Variants in KIT observed in about 807,000 individuals in gnomAD.
KIT encodes mast/stem cell growth factor receptor Kit.
KIT carries 16 observed loss-of-function variants against 105.7 expected under a neutral mutation model. That is an observed-to-expected ratio of 0.15 (90% CI 0.10 to 0.23). The LOEUF (loss-of-function observed/expected upper bound fraction) is 0.23. Among genes scored for constraint, KIT ranks in the 10% least tolerant of loss-of-function variants. The probability of loss-of-function intolerance (pLI) is 1.00; values close to 1 mark genes in which losing one functional copy is unlikely to be tolerated. For missense variants in KIT, 858 were observed against 1,213.8 expected, an observed-to-expected ratio of 0.71 and a Z score of 4.36; for synonymous variants, 438 against 441.1, an observed-to-expected ratio of 0.99 and a Z score of 0.09.
intron 1 of KIT, among the ~76,000 whole-genome samples, chr4:54,671,955 A>G (rs1018268605): frequency 1.3e-5 from 2 of 152,302 alleles, no homozygotes; most frequent in South Asian, 4.1e-4. Context: ...CCTAAACTAC[A>G]AAGACCTTCT....
intron 2 of KIT, 115 bp from the exon 3 acceptor site, chr4:54,698,169 A>C: frequency 9.2e-7 from 1 of 1,089,956 alleles, no homozygotes; most frequent in Non-Finnish European, 1.4e-6. Context: ...TACACAGAAA[A>C]AAGCAGCCAT....
At chr4:54,694,463 A>C (rs1041881139) in intron 1 of KIT, among the ~76,000 whole-genome samples, 2 of 151,946 alleles carry the variant, frequency 1.3e-5, no homozygotes, top group Non-Finnish European at 2.9e-5. Context: ...GTGATCTCCC[A>C]CCTCAGCCTC....
intron 7 of KIT, among the ~76,000 whole-genome samples, chr4:54,717,033 T>A (rs1721546826): frequency 2.6e-5 from 4 of 152,340 alleles, no homozygotes; most frequent in African/African-American, 9.6e-5. Context: ...GTTTGAACTC[T>A]GTTTGTATTT....
At chr4:54,707,075 CTG>C (rs1416144037) in intron 5 of KIT, 21 bp from the exon 6 acceptor site, 3 of 1,345,902 alleles carry the variant, frequency 2.2e-6, no homozygotes, top group Non-Finnish European at 3.2e-6. Context: ...TGGTTTCTTT[CTG>C]TCTTATTTCA....
chr4:54,723,545 C>T (rs746250997), intron 7 of KIT, 39 bp from the exon 8 acceptor site: 3 of 1,357,950 alleles, frequency 2.2e-6, no homozygotes, highest in South Asian at 2.3e-5. Context: ...CTGAGGTTTT[C>T]CAGCACTCTG....
chr4:54,664,472 T>A (rs1422692090), intron 1 of KIT, among the ~76,000 whole-genome samples: 2 of 152,138 alleles, frequency 1.3e-5, no homozygotes, highest in Non-Finnish European at 2.9e-5. Context: ...CAATTAGACA[T>A]ACTCCCCAGC....
chr4:54,733,125 C>T lies in KIT; in HGVS notation c.2417C>T (p.Thr806Ile), dbSNP rs1722711365. ...RNILLTHGRI[T>I]KICDFGLARD... ...ATCCTCCTTACTCATGGTCGGATCA[C>T]AAAGATTTGTGATTTTGGTCTAGCC... The change falls in exon 17 of 21, where the codon ACA (threonine) becomes ATA (isoleucine). Residue 806 changes from threonine to isoleucine, a missense_variant. This residue lies in a region of KIT where 63 missense variants were observed against 137.4 expected (regional missense o/e 0.46). Transcript: ENST00000288135. 1 of 1,612,392 alleles carries T rather than the reference C, an allele frequency of 6.2e-7. No homozygotes were observed.
intron 1 of KIT, among the ~76,000 whole-genome samples, chr4:54,660,969 T>C (rs1238070342): frequency 6.6e-6 from 1 of 152,210 alleles, no homozygotes; most frequent in Non-Finnish European, 1.5e-5. Context: ...GAAAGCGGAT[T>C]ATTTGTGGAG....
At chr4:54,682,937 A>C (rs1210937575) in intron 1 of KIT, among the ~76,000 whole-genome samples, 1 of 151,748 alleles carries the variant, frequency 6.6e-6, no homozygotes, top group East Asian at 1.9e-4. Context: ...TTTTTAGTAG[A>C]GACGGGGTTT....
intron 4 of KIT, among the ~76,000 whole-genome samples, chr4:54,701,457 A>C (rs1050895775): frequency 1.3e-5 from 2 of 152,224 alleles, no homozygotes; most frequent in African/African-American, 4.8e-5. Context: ...ATGACTTTTT[A>C]GCATTGTTGC....
At chr4:54,728,210 A>G in intron 13 of KIT, 89 bp downstream of exon 13, 1 of 949,204 alleles carries the variant, frequency 1.1e-6, no homozygotes, top group South Asian at 1.4e-5. Context: ...TAGATTATAA[A>G]CTGCTTGGAA....
intron 1 of KIT, among the ~76,000 whole-genome samples, chr4:54,660,449 C>T (rs3819393): frequency 0.58 from 87,667 of 151,968 alleles, 25,628 homozygotes; most frequent in African/African-American, 0.67. Context: ...AAATAAGAGA[C>T]CCCAGATAAT....
intron 7 of KIT, among the ~76,000 whole-genome samples, chr4:54,714,938 G>A (rs1343623117): frequency 1.3e-5 from 2 of 152,148 alleles, no homozygotes; most frequent in South Asian, 2.1e-4. Context: ...GGAAGCCCAA[G>A]TGACTGCTGA....
At chr4:54,736,669 A>G (rs371570883) in intron 18 of KIT, 52 bp from the exon 19 acceptor site, 296 of 1,599,904 alleles carry the variant, frequency 1.9e-4, no homozygotes, top group East Asian at 6.5e-4. Context: ...TTGAAGTTTC[A>G]TTGGTGTCCT....
intron 17 of KIT, among the ~76,000 whole-genome samples, chr4:54,736,055 G>A (rs1436580064): frequency 6.6e-6 from 1 of 152,184 alleles, no homozygotes; most frequent in African/African-American, 2.4e-5. Context: ...ACAACTTAGT[G>A]GCCAAAACCG....
At chr4:54,720,954 C>T (rs942871393) in intron 7 of KIT, among the ~76,000 whole-genome samples, 8 of 152,262 alleles carry the variant, frequency 5.3e-5, no homozygotes, top group South Asian at 4.1e-4. Context: ...GCCGTATTTA[C>T]GAAAGTCACC....
intron 4 of KIT, 70 bp downstream of exon 4, chr4:54,699,836 A>C: frequency 1.3e-6 from 2 of 1,575,286 alleles, no homozygotes; most frequent in South Asian, 2.2e-5. Context: ...CTTTCAGAAG[A>C]GTCTGTCCTG....
At chr4:54,667,133 A>T (rs1560373639) in intron 1 of KIT, among the ~76,000 whole-genome samples, 1 of 152,166 alleles carries the variant, frequency 6.6e-6, no homozygotes, top group Admixed American at 6.5e-5. Context: ...CGGCTCCCAA[A>T]GTCCTTTTCT....
intron 1 of KIT, among the ~76,000 whole-genome samples, chr4:54,663,103 C>T (rs1280452593): frequency 6.6e-6 from 1 of 152,042 alleles, no homozygotes; most frequent in African/African-American, 2.4e-5. Flanking sequence ...TTGGTTATGA[C>T]ACACTTTTGT....
Sources: gnomAD v4.1 joint callset for allele counts (sites outside exome capture counted in the v4.1 genomes callset) on GRCh38, gnomAD v4.1.1 for gene constraint, gnomAD v4.1.1 regional missense constraint, MANE v1.5 for transcripts, NCBI Gene and HGNC (gene_info 2026-07-23, HGNC 2026-07-21) for gene names.